Variants in LIMCH1 observed in about 807,000 individuals in gnomAD.
The protein encoded by LIMCH1 is LIM and calponin homology domains 1, also known as LIM and calponin homology domains-containing protein 1.
In LIMCH1, 113 loss-of-function variants were observed where a neutral mutation model predicts 176.5. The observed-to-expected ratio is 0.64, with a 90% CI of 0.55 to 0.75. The LOEUF (loss-of-function observed/expected upper bound fraction) is 0.75, where lower values mean the gene tolerates loss of function less well. Among genes scored for constraint, LIMCH1 ranks in the 30% least tolerant of loss-of-function variants. The probability of loss-of-function intolerance (pLI) is 0.00; values close to 1 mark genes in which losing one functional copy is unlikely to be tolerated. For synonymous variants in LIMCH1, 619 were observed against 645.9 expected (o/e 0.96, Z 0.63); for missense variants, 1,674 against 1,814.9 (o/e 0.92, Z 1.41).
At chr4:41,499,742 C>T (rs1009879768) in intron 2 of LIMCH1, among the ~76,000 whole-genome samples, 1 of 152,016 alleles carries the variant, frequency 6.6e-6, no homozygotes, top group Non-Finnish European at 1.5e-5. Flanking sequence ...CTCTTGAACC[C>T]GGGAGGCGGA....
chr4:41,380,619 G>A (rs1389392241), intron 1 of LIMCH1, among the ~76,000 whole-genome samples: 1 of 152,138 alleles, frequency 6.6e-6, no homozygotes, highest in African/African-American at 2.4e-5. Context: ...ATCAGGGCCT[G>A]AGCATTGTTA....
chr4:41,464,847 C>T (rs1244695558), intron 1 of LIMCH1, among the ~76,000 whole-genome samples: 1 of 152,210 alleles, frequency 6.6e-6, no homozygotes, highest in Non-Finnish European at 1.5e-5. Flanking sequence ...GTGTGGAGCA[C>T]AGAGTCTTTC....
chr4:41,642,692 G>T (rs936907492), intron 14 of LIMCH1, among the ~76,000 whole-genome samples: 1 of 151,190 alleles, frequency 6.6e-6, no homozygotes, highest in African/African-American at 2.4e-5. Context: ...CCTAGTAGCT[G>T]GGACTATAGG....
At chr4:41,581,386 G>A (rs1351578233) in intron 1 of LIMCH1, among the ~76,000 whole-genome samples, 1 of 152,044 alleles carries the variant, frequency 6.6e-6, no homozygotes, top group African/African-American at 2.4e-5. Flanking sequence ...CATCCTGCAC[G>A]TTATGTCCTC....
chr4:41,404,305 T>G (rs2058745838), intron 1 of LIMCH1, among the ~76,000 whole-genome samples: 1 of 151,200 alleles, frequency 6.6e-6, no homozygotes, highest in African/African-American at 2.4e-5. Context: ...CACCTGCAGG[T>G]GGGGAGGGGA....
intron 1 of LIMCH1, among the ~76,000 whole-genome samples, chr4:41,478,709 G>A (rs1178448266): frequency 6.6e-6 from 1 of 152,210 alleles, no homozygotes; most frequent in East Asian, 1.9e-4. Flanking sequence ...AACTCAGGAA[G>A]CCAAGGGGCT....
chr4:41,591,786 T>C (rs1219944778), intron 1 of LIMCH1, among the ~76,000 whole-genome samples: 1 of 152,202 alleles, frequency 6.6e-6, no homozygotes. Flanking sequence ...CGCAAATCCA[T>C]GATCATGTTG....
At position 41,604,683 on chromosome 4, in the gene LIMCH1, A is replaced by G. The variant is rs1485703427; in HGVS notation, c.-103+778A>G. Among the ~76,000 whole-genome samples, 3 of 152,302 alleles carry G rather than the reference A, an allele frequency of 2.0e-5. No individual in the cohort carries two copies. In the East Asian group the frequency reaches 5.8e-4, roughly 29 times the overall value. On this transcript the variant is annotated intron_variant, in intron 3 of 31. Transcript: ENST00000503057. ...TTCCATTCCCCCGTTATACCTTTTA[A>G]GATAGCCTCATACTCTCAGCACACA...
At chr4:41,536,886 T>G (rs994954995), upstream of LIMCH1, among the ~76,000 whole-genome samples, 5 of 152,190 alleles carry the variant, frequency 3.3e-5, no homozygotes, top group African/African-American at 1.2e-4. Flanking sequence ...AAAACATGGA[T>G]TTAGTTAATA....
At chr4:41,635,738 G>T (rs1057354385) in intron 13 of LIMCH1, among the ~76,000 whole-genome samples, 6 of 152,178 alleles carry the variant, frequency 3.9e-5, no homozygotes, top group African/African-American at 1.4e-4. Context: ...TGCTGGGGGT[G>T]ATCTTAGATG....
At chr4:41,631,025 G>A in intron 9 of LIMCH1, 123 bp from the exon 10 acceptor site, 4 of 809,448 alleles carry the variant, frequency 4.9e-6, no homozygotes, top group South Asian at 2.1e-5. Flanking sequence ...CCCGTCAGTG[G>A]GATGCCGAAC....
intron 1 of LIMCH1, among the ~76,000 whole-genome samples, chr4:41,399,126 A>G (rs1315792338): frequency 6.6e-6 from 1 of 152,184 alleles, no homozygotes. Flanking sequence ...TAAAGGGGAA[A>G]GCAGAGGCAT....
intron 1 of LIMCH1, among the ~76,000 whole-genome samples, chr4:41,443,281 A>G (rs1371009614): frequency 1.1e-5 from 1 of 90,068 alleles, no homozygotes; most frequent in Non-Finnish European, 2.0e-5. Flanking sequence ...CGCAATCTGG[A>G]TGTTTTTTTT....
intron 1 of LIMCH1, among the ~76,000 whole-genome samples, chr4:41,544,138 G>A (rs565350318): frequency 5.3e-5 from 8 of 151,402 alleles, no homozygotes; most frequent in South Asian, 2.1e-4. Flanking sequence ...GATGCTTTAC[G>A]TGTTATGCTC....
intron 1 of LIMCH1, among the ~76,000 whole-genome samples, chr4:41,407,313 C>T (rs1048035367): frequency 3.9e-5 from 6 of 152,176 alleles, no homozygotes; most frequent in Admixed American, 1.3e-4. Flanking sequence ...ACTGCATCTT[C>T]GACCTGCTGG....
At chr4:41,471,184 T>C (rs2066909273) in intron 1 of LIMCH1, among the ~76,000 whole-genome samples, 1 of 152,190 alleles carries the variant, frequency 6.6e-6, no homozygotes, top group Non-Finnish European at 1.5e-5. Context: ...CAAATACATT[T>C]TGAGCTATCG....
intron 1 of LIMCH1, among the ~76,000 whole-genome samples, chr4:41,589,948 T>C (rs28397974): frequency 6.6e-6 from 1 of 151,974 alleles, no homozygotes; most frequent in African/African-American, 2.4e-5. Context: ...AATCTCAATG[T>C]CTAAAAACCA....
chr4:41,557,033 T>C (rs1293090246), intron 1 of LIMCH1, among the ~76,000 whole-genome samples: 1 of 152,198 alleles, frequency 6.6e-6, no homozygotes, highest in African/African-American at 2.4e-5. Context: ...TAACTATCAT[T>C]AATGGCCATT....
At chr4:41,446,009 A>G (rs563933950) in intron 1 of LIMCH1, among the ~76,000 whole-genome samples, 2 of 152,332 alleles carry the variant, frequency 1.3e-5, no homozygotes, top group South Asian at 2.1e-4. Flanking sequence ...AACAGAACGA[A>G]GTTTCCCTAA....
Sources: allele counts gnomAD v4.1 joint callset (sites outside exome capture counted in the v4.1 genomes callset), GRCh38; gene constraint gnomAD v4.1.1; transcripts MANE v1.5; gene names NCBI Gene and HGNC (gene_info 2026-07-23, HGNC 2026-07-21).